Variants in CEP350 observed in about 807,000 individuals in gnomAD.
CEP350 encodes centrosomal protein 350.
A neutral mutation model predicts 331.8 loss-of-function variants in CEP350; 126 were observed. The ratio of observed to expected loss-of-function variants is 0.38; its 90% CI spans 0.33 to 0.44. The LOEUF (loss-of-function observed/expected upper bound fraction) is 0.44, where lower values mean the gene tolerates loss of function less well. Among genes scored for constraint, CEP350 ranks in the 20% least tolerant of loss-of-function variants. CEP350 has a pLI of 1.00. For missense variants in CEP350, 3,406 were observed against 3,634.6 expected (o/e 0.94, Z 1.62); for synonymous variants, 1,200 against 1,259.5 (o/e 0.95, Z 1.00).
rs1660445606 is a variant in CEP350, at chr1:180,095,708, G to A, written c.8697G>A (p.Met2899Ile). The change falls in exon 35 of 38, where the codon ATG (methionine) becomes ATA (isoleucine). Residue 2899 changes from methionine to isoleucine, a missense_variant. Met to Ile is a conservative substitution (Grantham distance 10). Transcript: ENST00000367607. ...NKAEETIVPL[M>I]AEPKRVTQQP... ...CAGAAGAAACCATTGTACCTCTAAT[G>A]GCAGAACCTAAAAGAGTAACCCAAC... 6.2e-7 allele frequency: 1 copy of A among 1,613,952 alleles called. No homozygotes were observed. Among genetic ancestry groups the A allele is most frequent in the Non-Finnish European group, 8.5e-7 (1 of 1,179,890 alleles).
At chr1:180,087,118 C>T (rs917381785) in intron 31 of CEP350, 1 of 152,164 alleles carries the variant, frequency 6.6e-6, no homozygotes, top group African/African-American at 2.4e-5. Flanking sequence ...TCTCAACTAT[C>T]ATACTGTCAA....
chr1:180,010,094 CTG>C (rs982779256), intron 8 of CEP350, among the ~76,000 whole-genome samples: 3 of 151,974 alleles, frequency 2.0e-5, no homozygotes, highest in African/African-American at 7.2e-5. Context: ...ATGGTAATCA[CTG>C]TTTATTTAAA....
intron 21 of CEP350, among the ~76,000 whole-genome samples, chr1:180,046,703 C>T (rs941324178): frequency 3.9e-5 from 6 of 152,110 alleles, no homozygotes; most frequent in East Asian, 3.8e-4. Flanking sequence ...TTTCCCACCA[C>T]GTAAAATTTT....
Position 180,080,605 on chromosome 1 carries a change from A to T in CEP350, c.6068A>T (p.Lys2023Met). ...GGAGGACAATGTCACCTGCCTATCA[A>T]GTCCCATCAGCACTGTTATAGTTGG... is the stretch of plus-strand genomic sequence containing the variant. ...RTGGQCHLPI[K>M]SHQHCYSWSD... The change falls in exon 30 of 38, where the codon AAG (lysine) becomes ATG (methionine). Residue 2023 changes from lysine (K) to methionine (M), a missense_variant. This residue lies in a region of CEP350 where 1,415 missense variants were observed against 1,512.3 expected (regional missense o/e 0.94). Coordinates refer to ENST00000367607, the MANE Select transcript of CEP350 (RefSeq NM_014810.5). 6.2e-7 allele frequency: 1 copy of T among 1,613,960 alleles called. No homozygotes were observed. Among genetic ancestry groups the T allele is most frequent in the Non-Finnish European group, 8.5e-7 (1 of 1,179,860 alleles).
intron 8 of CEP350, among the ~76,000 whole-genome samples, chr1:180,008,277 A>G (rs1032360709): frequency 2.0e-5 from 3 of 152,228 alleles, no homozygotes; most frequent in Non-Finnish European, 2.9e-5. Flanking sequence ...GCCCAAATTT[A>G]TAACTAGCTT....
intron 27 of CEP350, 64 bp downstream of exon 27, chr1:180,065,336 TG>T: frequency 6.9e-7 from 1 of 1,446,594 alleles, no homozygotes. Flanking sequence ...AAATAACATT[TG>T]TAATAATACT....
intron 27 of CEP350, among the ~76,000 whole-genome samples, chr1:180,066,141 T>G (rs1466830747): frequency 6.6e-6 from 1 of 152,202 alleles, no homozygotes; most frequent in Admixed American, 6.5e-5. Context: ...CCAACTTAGA[T>G]ATAGCTCAGT....
At chr1:179,969,183 G>T (rs550020174) in intron 1 of CEP350, 5 of 580,592 alleles carry the variant, frequency 8.6e-6, no homozygotes, top group African/African-American at 7.3e-5. Context: ...GAAGTTCTGT[G>T]TGTGTGTGCC....
At chr1:180,052,116 C>T in intron 22 of CEP350, 1 of 419,812 alleles carries the variant, frequency 2.4e-6, no homozygotes, top group East Asian at 7.4e-5. Context: ...AATATACATC[C>T]ATATATTACC....
At chr1:180,011,295 T>C (rs1421123602) in intron 8 of CEP350, among the ~76,000 whole-genome samples, 1 of 151,252 alleles carries the variant, frequency 6.6e-6, no homozygotes, top group Non-Finnish European at 1.5e-5. Flanking sequence ...GTTATATGTT[T>C]CCTCCAAATT....
chr1:180,098,793 T>C (rs1181271941), intron 36 of CEP350, 70 bp from the exon 37 acceptor site: 2 of 1,282,092 alleles, frequency 1.6e-6, no homozygotes, highest in East Asian at 2.3e-5. Flanking sequence ...ATCTGTTTAC[T>C]GCATTGTAAA....
At chr1:179,967,180 G>C (rs890690964) in intron 1 of CEP350, among the ~76,000 whole-genome samples, 6 of 152,086 alleles carry the variant, frequency 3.9e-5, no homozygotes, top group Non-Finnish European at 8.8e-5. Flanking sequence ...GAGCAATAAT[G>C]ATGTAAAGAA....
At chr1:180,103,221 C>T (rs866438589) in intron 37 of CEP350, among the ~76,000 whole-genome samples, 2 of 152,190 alleles carry the variant, frequency 1.3e-5, no homozygotes, top group Non-Finnish European at 2.9e-5. Flanking sequence ...TTGCCTGCTC[C>T]TTACTGTGCA....
chr1:180,086,681 C>T (rs540131822), intron 31 of CEP350, among the ~76,000 whole-genome samples: 1 of 152,068 alleles, frequency 6.6e-6, no homozygotes, highest in Non-Finnish European at 1.5e-5. Context: ...CTCATATATA[C>T]CTATTGAGCT....
At chr1:180,022,998 G>T (rs1301111681) in intron 13 of CEP350, 150 bp downstream of exon 13, 7 of 660,690 alleles carry the variant, frequency 1.1e-5, no homozygotes, top group African/African-American at 3.7e-5. Flanking sequence ...CATGGGCTCT[G>T]GATCCAGACT....
In CEP350 at chr1:180,113,309, T is replaced by G. The variant is rs1453798016; in HGVS notation, c.*2148T>G. 1.3e-5 allele frequency: 2 copies of G among 152,132 alleles called. No individual in the cohort carries two copies. Among genetic ancestry groups the G allele is most frequent in the Non-Finnish European group, 2.9e-5 (2 of 68,012 alleles). The allele number at this position is 152,132 out of a possible 1,614,324, so 9.4% of individuals were successfully genotyped here. ...GACTGTAGGTTGTTTTTCTACATCTTCATTATTTGGACCTAAAACCAGTTT... is the reference window on the plus strand; with the variant it reads ...GACTGTAGGTTGTTTTTCTACATCTGCATTATTTGGACCTAAAACCAGTTT... On this transcript the variant is annotated 3_prime_UTR_variant, in exon 38 of 38. Coordinates refer to ENST00000367607, the MANE Select transcript of CEP350 (RefSeq NM_014810.5).
intron 28 of CEP350, 39 bp downstream of exon 28, chr1:180,075,260 C>T: frequency 6.6e-7 from 1 of 1,519,926 alleles, no homozygotes; most frequent in African/African-American, 1.4e-5. Flanking sequence ...CAAACTAAAG[C>T]CTAACATAAT....
At chr1:180,102,010 C>T (rs946420002) in intron 37 of CEP350, among the ~76,000 whole-genome samples, 1 of 152,156 alleles carries the variant, frequency 6.6e-6, no homozygotes, top group Non-Finnish European at 1.5e-5. Flanking sequence ...CATCAGCATT[C>T]CTTCCCCCAA....
chr1:179,987,181 T>A, intron 2 of CEP350, 59 bp from the exon 3 acceptor site: 1 of 887,186 alleles, frequency 1.1e-6, no homozygotes, highest in Non-Finnish European at 1.8e-6. Flanking sequence ...ATTCAGATTC[T>A]GAGGTCTAAT....
Sources: allele counts gnomAD v4.1 joint callset (sites outside exome capture counted in the v4.1 genomes callset), GRCh38; gene constraint gnomAD v4.1.1; regional missense constraint gnomAD v4.1.1; transcripts MANE v1.5; gene names NCBI Gene and HGNC (gene_info 2026-07-23, HGNC 2026-07-21).